The following DOCK7 variants were observed in gnomAD, a reference collection of about 807,000 sequenced individuals.
The protein encoded by DOCK7 is dedicator of cytokinesis protein 7.
Under a neutral mutation model 271.0 loss-of-function variants are expected in DOCK7, and 138 were observed. The observed-to-expected ratio is 0.51, with a 90% CI of 0.44 to 0.59. DOCK7 has a LOEUF of 0.59. Ranked by LOEUF, DOCK7 falls within the 20% of genes least tolerant of loss-of-function variation. DOCK7 has a pLI of 0.00. For synonymous variants in DOCK7, 823 were observed against 876.1 expected, an observed-to-expected ratio of 0.94 and a Z score of 1.07; for missense variants, 2,066 against 2,592.4, an observed-to-expected ratio of 0.80 and a Z score of 4.41.
intron 39 of DOCK7, 147 bp from the exon 40 acceptor site, chr1:62,494,614 G>C: frequency 1.9e-6 from 1 of 530,536 alleles, no homozygotes; most frequent in Non-Finnish European, 3.0e-6. Context: ...ATGTCGCTAT[G>C]CAGGCCTAGA....
chr1:62,460,277 C>G (rs1645480624), intron 48 of DOCK7, among the ~76,000 whole-genome samples: 1 of 151,968 alleles, frequency 6.6e-6, no homozygotes, highest in Non-Finnish European at 1.5e-5. Context: ...AAACAAAACA[C>G]AGTTGGCCCT....
chr1:62,556,546 A>C (rs1286063515), intron 20 of DOCK7, among the ~76,000 whole-genome samples: 1 of 151,776 alleles, frequency 6.6e-6, no homozygotes, highest in Non-Finnish European at 1.5e-5. Flanking sequence ...AGGGGGCTAG[A>C]AAAACAGGTT....
At chr1:62,538,150 G>A in intron 27 of DOCK7, 89 bp from the exon 28 acceptor site, 8 of 1,371,634 alleles carry the variant, frequency 5.8e-6, no homozygotes, top group Non-Finnish European at 6.9e-6. Flanking sequence ...GAATTAAAGA[G>A]ATAGTACTTG....
intron 1 of DOCK7, among the ~76,000 whole-genome samples, chr1:62,683,677 G>A (rs975977432): frequency 1.3e-5 from 2 of 152,204 alleles, no homozygotes; most frequent in Non-Finnish European, 2.9e-5. Context: ...GCTCATGCCT[G>A]TAATCCCAGC....
At chr1:62,564,656 G>A (rs879602189) in intron 18 of DOCK7, among the ~76,000 whole-genome samples, 4 of 152,078 alleles carry the variant, frequency 2.6e-5, no homozygotes, top group Non-Finnish European at 5.9e-5. Context: ...AGAAGCAAGA[G>A]TAAATAAAGT....
chr1:62,535,667 G>A, intron 28 of DOCK7, 35 bp from the exon 29 acceptor site: 1 of 1,600,754 alleles, frequency 6.2e-7, no homozygotes, highest in Non-Finnish European at 8.5e-7. Context: ...GACTATAACA[G>A]CAGTGCAACA....
In DOCK7 at chr1:62,618,729, A is replaced by C. The variant is rs775943309; in HGVS notation, c.1659T>G (p.Val553=). 4 of 1,613,518 alleles carry C rather than the reference A, an allele frequency of 2.5e-6. No homozygotes were observed. In the African/African-American group the frequency reaches 5.3e-5, roughly 22 times the overall value. The change falls in exon 14 of 50, where the codon GTT becomes GTG. Residue 553 remains valine (V), a synonymous_variant. Transcript: ENST00000635253. The part of the protein sequence containing the change: ...REILEFPARD[V]YVPNTTYRNL... ...ACCTGTAAGTAGTGTTTGGAACATA[A>C]ACATCCCTTGCGGGAAACTCTAAGA... is the stretch of plus-strand genomic sequence containing the variant.
At chr1:62,550,197 G>C (rs1006857538) in intron 22 of DOCK7, among the ~76,000 whole-genome samples, 2 of 152,164 alleles carry the variant, frequency 1.3e-5, no homozygotes, top group African/African-American at 4.8e-5. Flanking sequence ...ATGTGGAAGA[G>C]ATATGGAAAA....
intron 22 of DOCK7, among the ~76,000 whole-genome samples, chr1:62,548,486 T>C (rs1483530675): frequency 3.3e-5 from 5 of 151,090 alleles, no homozygotes; most frequent in Non-Finnish European, 7.4e-5. Flanking sequence ...AATGGCGCGA[T>C]CTTGGCTCAC....
chr1:62,551,683 C>T (rs185859593), intron 22 of DOCK7, among the ~76,000 whole-genome samples: 18 of 151,778 alleles, frequency 1.2e-4, no homozygotes, highest in African/African-American at 3.4e-4. Flanking sequence ...AAAAATTTTG[C>T]AATAAAAAGA....
intron 22 of DOCK7, among the ~76,000 whole-genome samples, chr1:62,550,295 T>C (rs1645853444): frequency 1.3e-5 from 2 of 152,140 alleles, no homozygotes; most frequent in South Asian, 4.2e-4. Context: ...AGCTCATCTA[T>C]TCATTTTTAA....
At chr1:62,589,111 C>G (rs913486947) in intron 14 of DOCK7, among the ~76,000 whole-genome samples, 1 of 152,196 alleles carries the variant, frequency 6.6e-6, no homozygotes, top group African/African-American at 2.4e-5. Flanking sequence ...AATTTTGCAT[C>G]TGGAGTACAT....
At chr1:62,607,953 G>A (rs1358477445) in intron 14 of DOCK7, 2 of 152,186 alleles carry the variant, frequency 1.3e-5, no homozygotes, top group Non-Finnish European at 2.9e-5. Context: ...GTGGTGGCAG[G>A]TGCCTGTAAT....
At position 62,468,360 on chromosome 1, in the gene DOCK7, C is replaced by CAAAAAAAAA. The variant is rs201784083; in HGVS notation, c.6212+5613_6212+5621dup. ...TGGGCAACAGAGCGAGACTCTGTCT[C>CAAAAAAAAA]AAAAAAAAAAAAAAAAAAAGCATCA... On this transcript the variant is annotated intron_variant, in intron 48 of 49. Transcript: ENST00000635253. Among the ~76,000 whole-genome samples, 2 of 93,050 alleles carry CAAAAAAAAA rather than the reference C, an allele frequency of 2.1e-5. 1 individual carries two copies. Among genetic ancestry groups the CAAAAAAAAA allele is most frequent in the African/African-American group, 7.6e-5 (2 of 26,450 alleles). The allele number at this position is 93,050 out of a possible 152,430, so 61.0% of individuals were successfully genotyped here. A position where few individuals can be genotyped will look rare whatever the true frequency, so the allele number is the denominator to read the frequency against.
At chr1:62,475,442 A>G in intron 46 of DOCK7, 91 bp from the exon 47 acceptor site, 1 of 1,402,048 alleles carries the variant, frequency 7.1e-7, no homozygotes, top group Non-Finnish European at 9.6e-7. Context: ...GAAAAAAAAA[A>G]GATCAATTGT....
chr1:62,466,917 AAAAAACAAAAAC>A (rs1382099048), intron 48 of DOCK7, among the ~76,000 whole-genome samples: 1 of 152,142 alleles, frequency 6.6e-6, no homozygotes, highest in African/African-American at 2.4e-5. Flanking sequence ...TTCTGTCTCA[AAAAAACAAAAAC>A]AAAAACAAAA....
At chr1:62,624,276 A>C (rs1171666416) in intron 12 of DOCK7, among the ~76,000 whole-genome samples, 2 of 152,140 alleles carry the variant, frequency 1.3e-5, no homozygotes, top group Non-Finnish European at 2.9e-5. Context: ...ATTTAACCTT[A>C]CTACATGCAG....
At chr1:62,461,252 C>G in intron 48 of DOCK7, among the ~76,000 whole-genome samples, 1 of 151,874 alleles carries the variant, frequency 6.6e-6, no homozygotes, top group South Asian at 2.1e-4. Flanking sequence ...TCCTAAATAT[C>G]ATTATAAGAC....
chr1:62,500,036 T>C (rs1646736463), intron 37 of DOCK7, among the ~76,000 whole-genome samples: 1 of 151,434 alleles, frequency 6.6e-6, no homozygotes, highest in Non-Finnish European at 1.5e-5. Context: ...AATAGCAAAA[T>C]CCCAGCCAAA....
Sources: allele counts gnomAD v4.1 joint callset (sites outside exome capture counted in the v4.1 genomes callset), GRCh38; gene constraint gnomAD v4.1.1; transcripts MANE v1.5; gene names NCBI Gene and HGNC (gene_info 2026-07-23, HGNC 2026-07-21).